The following IQSEC1 variants were observed in gnomAD, a reference collection of about 807,000 sequenced individuals.
IQSEC1 encodes the protein IQ motif and Sec7 domain ArfGEF 1.
A neutral mutation model predicts 91.0 loss-of-function variants in IQSEC1; 31 were observed. The observed-to-expected ratio is 0.34, with a 90% confidence interval of 0.26 to 0.46. The LOEUF (loss-of-function observed/expected upper bound fraction) is 0.46. Ranked by LOEUF, IQSEC1 falls within the 20% of genes least tolerant of loss-of-function variation. IQSEC1 has a pLI of 1.00. For synonymous variants in IQSEC1, 699 were observed against 662.6 expected, an observed-to-expected ratio of 1.05 and a Z score of -0.84; for missense variants, 1,388 against 1,575.6, an observed-to-expected ratio of 0.88 and a Z score of 2.02.
intron 1 of IQSEC1, among the ~76,000 whole-genome samples, chr3:12,948,540 G>A (rs1699330285): frequency 1.3e-5 from 2 of 152,206 alleles, no homozygotes; most frequent in Non-Finnish European, 2.9e-5. Context: ...GACTCGCCAG[G>A]GAATGAGTCA....
chr3:13,109,194 G>A (rs1483588461), intron 2 of IQSEC1, among the ~76,000 whole-genome samples: 1 of 152,232 alleles, frequency 6.6e-6, no homozygotes, highest in Non-Finnish European at 1.5e-5. Context: ...GGTGGAGGCT[G>A]TGACATAAGG....
chr3:12,914,850 C>T (rs536004016), intron 8 of IQSEC1, among the ~76,000 whole-genome samples: 12 of 152,114 alleles, frequency 7.9e-5, no homozygotes, highest in East Asian at 5.8e-4. Context: ...CTGTTTCAGG[C>T]GCAGGGTCTG....
At chr3:12,962,020 C>A (rs1020944543) in intron 1 of IQSEC1, among the ~76,000 whole-genome samples, 1 of 152,220 alleles carries the variant, frequency 6.6e-6, no homozygotes, top group Admixed American at 6.5e-5. Context: ...CTACAAGGAT[C>A]AAGAGGCTCA....
At chr3:12,966,484 G>A (rs1432896562) in intron 1 of IQSEC1, among the ~76,000 whole-genome samples, 3 of 152,168 alleles carry the variant, frequency 2.0e-5, no homozygotes, top group African/African-American at 7.2e-5. Flanking sequence ...ATAGCTCAGG[G>A]GGCAGCTGTG....
chr3:13,101,437 A>G (rs1392071457), intron 2 of IQSEC1, among the ~76,000 whole-genome samples: 1 of 150,148 alleles, frequency 6.7e-6, no homozygotes, highest in Admixed American at 6.6e-5. Context: ...AAAAAAATGC[A>G]CCCTTCTACT....
At chr3:13,258,068 AG>A (rs1272132544) in intron 1 of IQSEC1, among the ~76,000 whole-genome samples, 1 of 152,224 alleles carries the variant, frequency 6.6e-6, no homozygotes. Context: ...GGTGACCTGG[AG>A]GGAGAGAGGG....
chr3:12,972,401 C>T (rs557606587), intron 1 of IQSEC1, among the ~76,000 whole-genome samples: 52 of 152,262 alleles, frequency 3.4e-4, no homozygotes, highest in Non-Finnish European at 6.5e-4. Flanking sequence ...AGAACTAGTC[C>T]ACAAAGACCC....
intron 2 of IQSEC1, among the ~76,000 whole-genome samples, chr3:13,112,732 A>G (rs9848836): frequency 0.065 from 9,950 of 152,258 alleles, 1,056 homozygotes; most frequent in African/African-American, 0.22. Flanking sequence ...GGGGGCGAGC[A>G]GGCCCACCTG....
At chr3:13,283,200 C>A (rs1451450897) in exon 1 of IQSEC1, among the ~76,000 whole-genome samples, 13 of 147,096 alleles carry the variant, frequency 8.8e-5, no homozygotes, top group South Asian at 2.1e-4. Flanking sequence ...GCGGACGCGC[C>A]GGGGCGGCAG....
Position 12,935,516 on chromosome 3 carries a change from G to A in IQSEC1, c.1500C>T (p.Asp500=). The A allele has an allele frequency of 6.2e-7, 1 of 1,614,036 alleles. No individual in the cohort carries two copies. The highest frequency in any genetic ancestry group is 8.5e-7 in the Non-Finnish European group (1 of 1,179,936). The change falls in exon 3 of 14, where the codon GAC becomes GAT. Residue 500 remains aspartate (D), a synonymous_variant. Transcript: ENST00000613206. The surrounding 1 kb of genome is among the most constrained non-coding windows in gnomAD (Gnocchi z 8.0). ...TYHKEARNSW[D]SPAFSNDVIR... is the part of the protein sequence containing the mutation. ...TGACATCGTTGCTAAAGGCAGGCGA[G>A]TCCCAGCTGTTGCGGGCCTCCTTGT...
intron 1 of IQSEC1, among the ~76,000 whole-genome samples, chr3:13,010,022 C>A (rs370532894): frequency 2.6e-5 from 4 of 152,324 alleles, no homozygotes; most frequent in South Asian, 4.1e-4. Flanking sequence ...GTGTGACCTT[C>A]GGCAAGTGAC....
rs530587023 is a variant in IQSEC1, at chr3:12,979,591, G to C, written c.24-37726C>G. Among the ~76,000 whole-genome samples, 1 of 152,328 alleles carries C rather than the reference G, an allele frequency of 6.6e-6. No individual in the cohort carries two copies. The highest frequency in any genetic ancestry group is 2.1e-4 in the South Asian group (1 of 4,828). The stretch of plus-strand genomic sequence containing the variant: ...GGAAGGGCGTGGCGCATAGCTCACT[G>C]TGTACCCTTCTGTATGTTTAACTGT... On this transcript the variant is annotated intron_variant, in intron 1 of 13. Coordinates refer to ENST00000613206, the MANE Select transcript of IQSEC1 (RefSeq NM_001134382.3). The surrounding 1 kb of genome is among the most constrained non-coding windows in gnomAD (Gnocchi z 4.3).
chr3:13,237,331 G>A (rs1489044878), intron 1 of IQSEC1, among the ~76,000 whole-genome samples: 1 of 152,290 alleles, frequency 6.6e-6, no homozygotes, highest in Admixed American at 6.5e-5. Flanking sequence ...ATCATCCTCC[G>A]AGGCTCTGGA....
chr3:12,988,887 G>A (rs1701863250), intron 1 of IQSEC1, among the ~76,000 whole-genome samples: 1 of 152,196 alleles, frequency 6.6e-6, no homozygotes, highest in South Asian at 2.1e-4. Flanking sequence ...GAGCCACCAG[G>A]CAGCAGCATC....
At chr3:13,141,308 G>A (rs1706795940) in intron 2 of IQSEC1, among the ~76,000 whole-genome samples, 1 of 152,312 alleles carries the variant, frequency 6.6e-6, no homozygotes, top group East Asian at 1.9e-4. Context: ...AAGACAAGAG[G>A]CAGCCTCGAT....
intron 1 of IQSEC1, chr3:13,053,197 T>C: frequency 1.4e-6 from 1 of 694,560 alleles, no homozygotes; most frequent in Non-Finnish European, 2.6e-6. Flanking sequence ...GTTTTAACCT[T>C]GTTTCCCTGT....
At chr3:13,045,292 C>T (rs1214801092) in intron 1 of IQSEC1, among the ~76,000 whole-genome samples, 1 of 152,200 alleles carries the variant, frequency 6.6e-6, no homozygotes. Context: ...CCACTTGACA[C>T]GTTATGTTAA....
chr3:12,985,498 C>A (rs548686539), intron 1 of IQSEC1, among the ~76,000 whole-genome samples: 2 of 151,990 alleles, frequency 1.3e-5, no homozygotes, highest in South Asian at 2.1e-4. Flanking sequence ...AATCCCCCCC[C>A]CCCCGCCAAC....
At position 13,276,080 on chromosome 3, in the gene IQSEC1, C is replaced by CT. The variant is rs796663192; in HGVS notation, c.272+6630dup. On this transcript the variant is annotated intron_variant, in intron 1 of 15. Coordinates refer to the IQSEC1 transcript ENST00000648114. ...AGGGAAAACAATCCTCAAAAGCATT[C>CT]TTTTTTTTTTTTTTTTTTTTTTTTT... Among the ~76,000 whole-genome samples, 368 of 79,522 alleles carry CT rather than the reference C, an allele frequency of 4.6e-3. 81 individuals are homozygous for CT. The highest frequency in any genetic ancestry group is 6.5e-3 in the South Asian group (11 of 1,684). 52.2% of individuals were successfully genotyped at this position (79,522 alleles called of 152,430 possible).
Sources: allele counts gnomAD v4.1 joint callset (sites outside exome capture counted in the v4.1 genomes callset), GRCh38; gene constraint gnomAD v4.1.1; non-coding constraint Gnocchi (gnomAD v3.1); transcripts MANE v1.5; gene names NCBI Gene and HGNC (gene_info 2026-07-23, HGNC 2026-07-21).